The following SPTB variants were observed in gnomAD, a reference collection of about 807,000 sequenced individuals.
SPTB encodes the protein spectrin beta chain, erythrocytic.
SPTB carries 45 observed loss-of-function variants against 256.2 expected under a neutral mutation model. The observed-to-expected ratio is 0.18, with a 90% CI of 0.14 to 0.23. SPTB has a LOEUF of 0.23. SPTB is among the 10% of genes least tolerant of loss of function. SPTB has a pLI of 1.00. For synonymous variants in SPTB, 1,231 were observed against 1,243.1 expected, an observed-to-expected ratio of 0.99 and a Z score of 0.21; for missense variants, 2,715 against 3,040.4, an observed-to-expected ratio of 0.89 and a Z score of 2.52.
rs899191638 is a variant in SPTB at position 64,775,058 on chromosome 14, C to T, written c.4842+67G>A. ...CAGTTGGACTCACAAGGCTCCCTAC[C>T]GACAGCCAACCTCAACTCTTCCTCT... On this transcript the variant is annotated intron_variant, in intron 23 of 35. Coordinates refer to ENST00000644917, the MANE Select transcript of SPTB (RefSeq NM_001355436.2). The surrounding 1 kb of genome is among the most constrained non-coding windows in gnomAD (Gnocchi z 5.0). 5.7e-5 allele frequency: 92 copies of T among 1,608,992 alleles called. No homozygotes were observed. Among genetic ancestry groups the T allele is most frequent in the African/African-American group, 2.7e-4 (20 of 74,812 alleles).
chr14:64,829,577 G>A (rs1199378114), intron 1 of SPTB, among the ~76,000 whole-genome samples: 1 of 152,150 alleles, frequency 6.6e-6, no homozygotes, highest in Non-Finnish European at 1.5e-5. Flanking sequence ...AAGGTAGTGG[G>A]GGACAAGACA....
In SPTB at chr14:64,749,359, G is replaced by A; in HGVS notation, c.6934C>T (p.Leu2312Phe). 5 of 1,610,722 alleles carry A rather than the reference G, an allele frequency of 3.1e-6. No homozygotes were observed. The highest frequency in any genetic ancestry group is 4.2e-6 in the Non-Finnish European group (5 of 1,179,696). ...LPSLSGPDAS[L>F]GKKDKEKRFS... Reference sequence around the variant, plus strand: ...CTCTTCTCCTTGTCTTTCTTGCCGAGGCTGGCGTCGGGGCCGGAGAGGGAA... The same window carrying A: ...CTCTTCTCCTTGTCTTTCTTGCCGAAGCTGGCGTCGGGGCCGGAGAGGGAA... The change falls in exon 36 of 36, where the codon CTC becomes TTC. Residue 2312 changes from leucine to phenylalanine, a missense_variant. Physicochemically the swap from Leu to Phe is conservative, Grantham distance 22. Transcript: ENST00000644917. This position sits in a 1 kb window ranked among gnomAD's most constrained non-coding sequence, Gnocchi z 4.7.
In SPTB at chr14:64,807,229, A is replaced by T. The variant is rs2083002294; in HGVS notation, c.149-2139T>A. 1.3e-5 allele frequency among the ~76,000 whole-genome samples: 2 copies of T among 152,218 alleles called. No individual in the cohort carries two copies. Among genetic ancestry groups the T allele is most frequent in the South Asian group, 4.1e-4 (2 of 4,830 alleles). ...GCCCCTTTAGAGGTAGGTGTCCCCC[A>T]AAGTGAAAGTATTTCTTCCTCCTTT... On this transcript the variant is annotated intron_variant, in intron 2 of 35. Coordinates refer to ENST00000644917, the MANE Select transcript of SPTB (RefSeq NM_001355436.2). The surrounding 1 kb of genome is among the most constrained non-coding windows in gnomAD (Gnocchi z 4.7).
At chr14:64,850,877 A>T (rs1048331547) in intron 1 of SPTB, among the ~76,000 whole-genome samples, 1 of 152,180 alleles carries the variant, frequency 6.6e-6, no homozygotes, top group African/African-American at 2.4e-5. Flanking sequence ...TTCTCATTCA[A>T]CAGGGTGACA....
chr14:64,875,862 C>T (rs958900107), intron 1 of SPTB, among the ~76,000 whole-genome samples: 14 of 152,228 alleles, frequency 9.2e-5, no homozygotes, highest in African/African-American at 3.4e-4. Context: ...CACTCTTGAT[C>T]TTCCCAAGTT....
At chr14:64,783,249 G>T (rs1277367019) in intron 19 of SPTB, among the ~76,000 whole-genome samples, 1 of 151,814 alleles carries the variant, frequency 6.6e-6, no homozygotes, top group Non-Finnish European at 1.5e-5. Flanking sequence ...TGTTGCCCAA[G>T]CTGGAATGTA....
intron 1 of SPTB, among the ~76,000 whole-genome samples, chr14:64,874,371 G>A (rs1476340097): frequency 1.3e-5 from 2 of 152,186 alleles, no homozygotes; most frequent in African/African-American, 2.4e-5. Context: ...CACCAGATCA[G>A]TGATTCTCCA....
intron 28 of SPTB, 108 bp downstream of exon 28, chr14:64,769,482 A>G (rs1041143753): frequency 3.8e-5 from 55 of 1,443,308 alleles, no homozygotes; most frequent in Non-Finnish European, 4.5e-5. Context: ...GAGCAAGACA[A>G]GCTCCTCAGA....
chr14:64,877,895 T>C (rs1411052800), intron 1 of SPTB, among the ~76,000 whole-genome samples: 1 of 152,230 alleles, frequency 6.6e-6, no homozygotes, highest in African/African-American at 2.4e-5. Flanking sequence ...GGCGTTCTGC[T>C]ATAGGACACC....
In SPTB at chr14:64,760,786, T is replaced by G. The variant is rs2082082136; in HGVS notation, c.6345+5940A>C. ...AAGGCAGGTACTGTTATTACACCTG[T>G]GTTACAAATGAGGGAAACTGGGGGT... On this transcript the variant is annotated intron_variant, in intron 32 of 35. Transcript: ENST00000644917. This position sits in a 1 kb window ranked among gnomAD's most constrained non-coding sequence, Gnocchi z 4.3. Among the ~76,000 whole-genome samples, 1 of 152,200 alleles carries G rather than the reference T, an allele frequency of 6.6e-6. No individual in the cohort carries two copies.
Position 64,782,563 on chromosome 14 carries a change from A to T in SPTB, c.4003-10T>A. ...TCAGCTGCTTTCCTTCCTAGGGGCAAGAAGGAGGAGAGCTCACATTCTGGG... is the reference window on the plus strand; with the variant it reads ...TCAGCTGCTTTCCTTCCTAGGGGCATGAAGGAGGAGAGCTCACATTCTGGG... On this transcript the variant is annotated splice_polypyrimidine_tract_variant and intron_variant, in intron 19 of 35. Coordinates refer to ENST00000644917, the MANE Select transcript of SPTB (RefSeq NM_001355436.2). The T allele has an allele frequency of 6.2e-7, 1 of 1,612,850 alleles. No individual in the cohort carries two copies. Among genetic ancestry groups the T allele is most frequent in the South Asian group, 1.1e-5 (1 of 91,070 alleles).
intron 1 of SPTB, among the ~76,000 whole-genome samples, chr14:64,878,792 A>G (rs1407641059): frequency 9.3e-6 from 1 of 107,766 alleles, no homozygotes; most frequent in Non-Finnish European, 1.9e-5. Context: ...CCCACCCCCC[A>G]ATCTGATGCA....
chr14:64,769,812 C>G, intron 27 of SPTB, 84 bp from the exon 28 acceptor site: 1 of 1,589,626 alleles, frequency 6.3e-7, no homozygotes. Flanking sequence ...GGCCCACCTC[C>G]CCCTGCCTGT....
rs1049783481 is a variant in SPTB at position 64,758,251 on chromosome 14, G to T, written c.6346-4458C>A. Among the ~76,000 whole-genome samples the T allele has an allele frequency of 3.3e-5, 5 of 152,234 alleles. No individual in the cohort carries two copies. Among genetic ancestry groups the T allele is most frequent in the African/African-American group, 1.2e-4 (5 of 41,468 alleles). ...AAACCCTCTTGTTCCTGGAGTAGCA[G>T]ATGCTCAGGACTGAGAAATGGGGAA... On this transcript the variant is annotated intron_variant, in intron 32 of 35. Coordinates refer to ENST00000644917, the MANE Select transcript of SPTB (RefSeq NM_001355436.2). The surrounding 1 kb of genome is among the most constrained non-coding windows in gnomAD (Gnocchi z 4.6).
rs538571600 is a variant in SPTB at position 64,873,682 on chromosome 14, A to G, written c.-52+6110T>C. Among the ~76,000 whole-genome samples the G allele has an allele frequency of 2.6e-5, 4 of 152,298 alleles. No homozygotes were observed. The highest frequency in any genetic ancestry group is 5.9e-5 in the Non-Finnish European group (4 of 68,014). ...TATGTGGAATATTCTGCTGAAGAAA[A>G]AAAGCAACCGCGGTCTCAACCAGAA... On this transcript the variant is annotated intron_variant, in intron 1 of 35. Coordinates refer to ENST00000644917, the MANE Select transcript of SPTB (RefSeq NM_001355436.2). The surrounding 1 kb of genome is among the most constrained non-coding windows in gnomAD (Gnocchi z 4.3).
chr14:64,802,479 G>C lies in SPTB; in HGVS notation c.475-162C>G, dbSNP rs1249819460. On this transcript the variant is annotated intron_variant, in intron 4 of 35. Coordinates refer to ENST00000644917, the MANE Select transcript of SPTB (RefSeq NM_001355436.2). This position sits in a 1 kb window ranked among gnomAD's most constrained non-coding sequence, Gnocchi z 5.1. ...GCGCTTGGGTTGGGTCTCCCTTCAT[G>C]TGCCCTGCTCCCTGCATTTACATTT... Among the ~76,000 whole-genome samples, 1 of 152,048 alleles carries C rather than the reference G, an allele frequency of 6.6e-6. No individual in the cohort carries two copies. The highest frequency in any genetic ancestry group is 1.9e-4 in the East Asian group (1 of 5,188).
At chr14:64,879,164 G>C (rs1458611743) in intron 1 of SPTB, among the ~76,000 whole-genome samples, 1 of 152,178 alleles carries the variant, frequency 6.6e-6, no homozygotes, top group Non-Finnish European at 1.5e-5. Flanking sequence ...AGGAAGACTA[G>C]GGGTCCTTGA....
chr14:64,857,577 C>CAA (rs34021718), intron 1 of SPTB, among the ~76,000 whole-genome samples: 11 of 61,354 alleles, frequency 1.8e-4, no homozygotes, highest in African/African-American at 5.0e-4. Context: ...GACACTGCCT[C>CAA]AAAAAAAAAA....
At position 64,749,549 on chromosome 14, in the gene SPTB, G is replaced by A. The variant is rs2081909982; in HGVS notation, c.6820-76C>T. 6.2e-7 allele frequency: 1 copy of A among 1,602,348 alleles called. No homozygotes were observed. The highest frequency in any genetic ancestry group is 8.5e-7 in the Non-Finnish European group (1 of 1,178,542). On this transcript the variant is annotated intron_variant, in intron 35 of 35. Transcript: ENST00000644917. The surrounding 1 kb of genome is among the most constrained non-coding windows in gnomAD (Gnocchi z 4.7). ...TCCCGGGCCAGGCAACAATGGTGGGGGCTCTTGGGACTGCCCCTTCTGAGG... is the reference window on the plus strand; with the variant it reads ...TCCCGGGCCAGGCAACAATGGTGGGAGCTCTTGGGACTGCCCCTTCTGAGG...
Sources: allele counts gnomAD v4.1 joint callset (sites outside exome capture counted in the v4.1 genomes callset), GRCh38; gene constraint gnomAD v4.1.1; non-coding constraint Gnocchi (gnomAD v3.1); transcripts MANE v1.5; gene names NCBI Gene and HGNC (gene_info 2026-07-23, HGNC 2026-07-21).